The following SDK2 variants were observed in gnomAD, a reference collection of about 807,000 sequenced individuals.
SDK2 encodes protein sidekick-2.
SDK2 carries 105 observed loss-of-function variants against 253.9 expected under a neutral mutation model. The ratio of observed to expected loss-of-function variants is 0.41; its 90% CI spans 0.35 to 0.49. The LOEUF is 0.49. Among genes scored for constraint, SDK2 ranks in the 20% least tolerant of loss-of-function variants. SDK2 has a pLI of 0.06. For missense variants in SDK2, 2,608 were observed against 3,003.0 expected (o/e 0.87, Z 3.07); for synonymous variants, 1,249 against 1,234.9 (o/e 1.01, Z -0.24).
intron 1 of SDK2, among the ~76,000 whole-genome samples, chr17:73,620,384 A>G (rs1295932030): frequency 6.6e-6 from 1 of 152,222 alleles, no homozygotes; most frequent in Non-Finnish European, 1.5e-5. Context: ...AAAAATAACA[A>G]GTGTTGGTGT....
At chr17:73,600,332 T>C (rs1391609769) in intron 1 of SDK2, among the ~76,000 whole-genome samples, 1 of 152,224 alleles carries the variant, frequency 6.6e-6, no homozygotes, top group Non-Finnish European at 1.5e-5. Flanking sequence ...CTGGCTCTCT[T>C]GATCCTCCCA....
rs1233901078 is a variant in SDK2 at position 73,452,680 on chromosome 17, G to A, written c.479+3226C>T. Among the ~76,000 whole-genome samples the A allele has an allele frequency of 2.0e-5, 3 of 152,232 alleles. 1 individual carries two copies. Among genetic ancestry groups the A allele is most frequent in the African/African-American group, 4.8e-5 (2 of 41,464 alleles). On this transcript the variant is annotated intron_variant, in intron 4 of 44. Transcript: ENST00000392650. ...AGGAAAGTGCCAGCACACCCCTCAT[G>A]CAGCCATGGCAGACATTGCTAATCA...
chr17:73,607,145 C>T (rs2045917991), intron 1 of SDK2, among the ~76,000 whole-genome samples: 1 of 152,174 alleles, frequency 6.6e-6, no homozygotes, highest in Admixed American at 6.5e-5. Context: ...GATTCAAGTG[C>T]CAAATAAGTG....
At chr17:73,558,345 G>A (rs1018636269) in intron 1 of SDK2, among the ~76,000 whole-genome samples, 13 of 151,674 alleles carry the variant, frequency 8.6e-5, no homozygotes, top group African/African-American at 1.9e-4. Context: ...TAATGACAAC[G>A]ACCATGCCCA....
intron 1 of SDK2, among the ~76,000 whole-genome samples, chr17:73,641,404 C>T (rs143881375): frequency 1.3e-5 from 2 of 152,264 alleles, no homozygotes; most frequent in East Asian, 3.9e-4. Context: ...TTCAGCGAAG[C>T]GGCAAAGCCA....
At chr17:73,472,078 G>GC (rs771856049) in intron 3 of SDK2, 34 bp downstream of exon 3, 55 of 1,468,014 alleles carry the variant, frequency 3.7e-5, no homozygotes, top group South Asian at 4.9e-5. Flanking sequence ...CACCACAGTC[G>GC]CCCCCCCTGC....
chr17:73,354,656 C>T (rs2062569773), intron 40 of SDK2, among the ~76,000 whole-genome samples: 1 of 152,182 alleles, frequency 6.6e-6, no homozygotes, highest in Non-Finnish European at 1.5e-5. Context: ...GTCTGGCCTG[C>T]TCCAGGGAGG....
intron 44 of SDK2, among the ~76,000 whole-genome samples, chr17:73,343,078 G>A (rs1017169619): frequency 3.9e-5 from 6 of 152,214 alleles, no homozygotes; most frequent in Non-Finnish European, 5.9e-5. Flanking sequence ...AGGCATGTCC[G>A]GACTGGAAGC....
intron 3 of SDK2, among the ~76,000 whole-genome samples, chr17:73,468,335 G>GCT: frequency 6.6e-6 from 1 of 152,284 alleles, no homozygotes; most frequent in African/African-American, 2.4e-5. Flanking sequence ...GCACATATGA[G>GCT]CTCAAGAAAT....
intron 2 of SDK2, among the ~76,000 whole-genome samples, chr17:73,475,327 T>C (rs201090083): frequency 3.5e-4 from 52 of 150,028 alleles, no homozygotes; most frequent in Admixed American, 5.3e-4. Flanking sequence ...AATTTTTGTA[T>C]TTTTAGTAGA....
At chr17:73,630,462 C>T (rs1384900013) in intron 1 of SDK2, among the ~76,000 whole-genome samples, 3 of 149,790 alleles carry the variant, frequency 2.0e-5, no homozygotes, top group Non-Finnish European at 3.0e-5. Flanking sequence ...CCCTCCCATC[C>T]CGCCCTCCTC....
At chr17:73,371,475 G>A (rs556914181) in intron 36 of SDK2, among the ~76,000 whole-genome samples, 8 of 152,292 alleles carry the variant, frequency 5.3e-5, no homozygotes, top group African/African-American at 1.2e-4. Flanking sequence ...GGTTTGACTC[G>A]ATATGAGCAA....
intron 1 of SDK2, among the ~76,000 whole-genome samples, chr17:73,569,933 G>A (rs1189004873): frequency 6.6e-6 from 1 of 152,106 alleles, no homozygotes; most frequent in Non-Finnish European, 1.5e-5. Context: ...TGATAAAAGC[G>A]GCCGAGGAGC....
chr17:73,550,213 G>A (rs2045032664), intron 1 of SDK2, among the ~76,000 whole-genome samples: 1 of 152,238 alleles, frequency 6.6e-6, no homozygotes, highest in Admixed American at 6.5e-5. Flanking sequence ...GCAGCAGGGG[G>A]CCAGGGGTCA....
At chr17:73,428,419 G>A (rs764064060) in intron 12 of SDK2, among the ~76,000 whole-genome samples, 11 of 151,978 alleles carry the variant, frequency 7.2e-5, no homozygotes, top group African/African-American at 2.4e-4. Flanking sequence ...ACCTGCACCC[G>A]CCCAGGCCCT....
chr17:73,470,016 A>ACACG (rs2063635946), intron 3 of SDK2, among the ~76,000 whole-genome samples: 1 of 151,596 alleles, frequency 6.6e-6, no homozygotes, highest in African/African-American at 2.4e-5. Context: ...ACACACACAC[A>ACACG]CACACACACA....
intron 36 of SDK2, chr17:73,369,116 T>C (rs552218954): frequency 3.2e-4 from 152 of 468,096 alleles, no homozygotes; most frequent in Non-Finnish European, 6.4e-4. Context: ...CTCCAGGGCA[T>C]GGCCCCCAAG....
At chr17:73,363,578 C>G (rs1430325330) in intron 38 of SDK2, among the ~76,000 whole-genome samples, 1 of 152,128 alleles carries the variant, frequency 6.6e-6, no homozygotes, top group Non-Finnish European at 1.5e-5. Context: ...TTGACCTGAA[C>G]CCAGGATGAA....
At chr17:73,507,734 G>A (rs965492446) in intron 1 of SDK2, 137 bp from the exon 2 acceptor site, 2 of 912,192 alleles carry the variant, frequency 2.2e-6, no homozygotes, top group Non-Finnish European at 3.2e-6. Context: ...TGGCTGGGAG[G>A]GACTTGAACC....
Sources: gnomAD v4.1 joint callset for allele counts (sites outside exome capture counted in the v4.1 genomes callset) on GRCh38, gnomAD v4.1.1 for gene constraint, MANE v1.5 for transcripts, NCBI Gene and HGNC (gene_info 2026-07-23, HGNC 2026-07-21) for gene names.